The following ZFHX3 variants were observed in gnomAD, a reference collection of about 807,000 sequenced individuals.
ZFHX3 encodes zinc finger homeobox protein 3.
ZFHX3 carries 42 observed loss-of-function variants against 279.1 expected under a neutral mutation model. The observed-to-expected ratio is 0.15, with a 90% CI of 0.12 to 0.19. The LOEUF (loss-of-function observed/expected upper bound fraction) is 0.19, where lower values mean the gene tolerates loss of function less well. ZFHX3 is among the 10% of genes least tolerant of loss of function. The probability of loss-of-function intolerance (pLI) is 1.00; values close to 1 mark genes in which losing one functional copy is unlikely to be tolerated. For synonymous variants in ZFHX3, 2,293 were observed against 1,957.8 expected (o/e 1.17, Z -4.52); for missense variants, 4,981 against 4,754.0 (o/e 1.05, Z -1.40).
rs188625950 is a variant in ZFHX3, at chr16:72,947,985, G to A, written c.3216+2484C>T. Among the ~76,000 whole-genome samples the A allele has an allele frequency of 1.3e-4, 20 of 152,290 alleles. No homozygotes were observed. The East Asian group carries it at 2.1e-3, about 16-fold the overall frequency. ...CACCTCCAATCCCCACCCCAAATCC[G>A]TGGAATGACGAAACCTTGAGAGGGA... On this transcript the variant is annotated intron_variant, in intron 3 of 9. Transcript: ENST00000268489.
At chr16:73,249,708 A>C (rs989149894) in intron 5 of ZFHX3, among the ~76,000 whole-genome samples, 2 of 152,128 alleles carry the variant, frequency 1.3e-5, no homozygotes, top group East Asian at 3.9e-4. Context: ...TAGGTTTTAA[A>C]ATTTCATTAG....
intron 2 of ZFHX3, among the ~76,000 whole-genome samples, chr16:73,497,064 A>G (rs2019154370): frequency 6.6e-6 from 1 of 152,078 alleles, no homozygotes; most frequent in Non-Finnish European, 1.5e-5. Context: ...CCCCCGCCAC[A>G]CCACACCATG....
intron 4 of ZFHX3, among the ~76,000 whole-genome samples, chr16:73,303,252 T>G (rs1437925452): frequency 6.6e-6 from 1 of 152,106 alleles, no homozygotes; most frequent in East Asian, 1.9e-4. Flanking sequence ...GGTCTTGAAC[T>G]CCTAGCTCCA....
intron 1 of ZFHX3, among the ~76,000 whole-genome samples, chr16:73,889,355 T>C (rs1045361324): frequency 2.6e-5 from 4 of 152,154 alleles, no homozygotes; most frequent in African/African-American, 9.7e-5. Flanking sequence ...TGCTTTTCTA[T>C]TAATAGTATC....
At chr16:72,798,872 C>G (rs948365272) in intron 8 of ZFHX3, among the ~76,000 whole-genome samples, 158 bp from the exon 9 acceptor site, 9 of 152,244 alleles carry the variant, frequency 5.9e-5, no homozygotes, top group Admixed American at 5.2e-4. Context: ...GGAGCGCCTC[C>G]TGCTTTCTTT....
intron 2 of ZFHX3, among the ~76,000 whole-genome samples, chr16:73,654,326 C>A (rs1036729132): frequency 7.2e-5 from 11 of 151,920 alleles, no homozygotes; most frequent in Non-Finnish European, 1.3e-4. Flanking sequence ...AAATGATACT[C>A]AAAAATTTTC....
chr16:73,602,551 C>T (rs1384554969), intron 2 of ZFHX3, among the ~76,000 whole-genome samples: 1 of 152,160 alleles, frequency 6.6e-6, no homozygotes, highest in African/African-American at 2.4e-5. Flanking sequence ...ACTGTGTGCA[C>T]GTATTTAAAT....
Position 72,783,879 on chromosome 16 carries a change from A to C in ZFHX3, c.*3285T>G, listed in dbSNP as rs146479462. 88 of 152,380 alleles carry C rather than the reference A, an allele frequency of 5.8e-4. No individual in the cohort carries two copies. Among genetic ancestry groups the C allele is most frequent in the African/African-American group, 2.0e-3 (82 of 41,584 alleles). 9.4% of individuals were successfully genotyped at this position (152,380 alleles called of 1,614,324 possible). On this transcript the variant is annotated 3_prime_UTR_variant, in exon 10 of 10. Coordinates refer to ENST00000268489, the MANE Select transcript of ZFHX3 (RefSeq NM_006885.4). ...AACAGTTGAGCATTGTAGTGAATTCATGCTTTGTAAATAGTACTGGTCATA... is the reference window on the plus strand; with the variant it reads ...AACAGTTGAGCATTGTAGTGAATTCCTGCTTTGTAAATAGTACTGGTCATA...
At chr16:73,566,277 C>T (rs150798035) in intron 2 of ZFHX3, among the ~76,000 whole-genome samples, 131 of 152,348 alleles carry the variant, frequency 8.6e-4, no homozygotes, top group South Asian at 1.4e-3. Context: ...AGATGATCTC[C>T]TCATAGACCT....
At chr16:73,795,536 C>G (rs552761883) in intron 1 of ZFHX3, among the ~76,000 whole-genome samples, 1 of 152,092 alleles carries the variant, frequency 6.6e-6, no homozygotes, top group Admixed American at 6.5e-5. Flanking sequence ...AATAGAGAAC[C>G]TTTCTATCTC....
At chr16:73,041,359 T>C (rs921427249) in intron 1 of ZFHX3, among the ~76,000 whole-genome samples, 1 of 141,940 alleles carries the variant, frequency 7.0e-6, no homozygotes. Flanking sequence ...GGATTTCCTA[T>C]CTGTTGAAGG....
At position 72,975,414 on chromosome 16, in the gene ZFHX3, C is replaced by A. The variant is rs116364334; in HGVS notation, c.-49-15220G>T. Among the ~76,000 whole-genome samples, 480 of 152,276 alleles carry A rather than the reference C, an allele frequency of 3.2e-3. 1 individual carries two copies. Among genetic ancestry groups the A allele is most frequent in the African/African-American group, 0.011 (437 of 41,560 alleles). On this transcript the variant is annotated intron_variant, in intron 1 of 9. Coordinates refer to ENST00000268489, the MANE Select transcript of ZFHX3 (RefSeq NM_006885.4). ...GCTGATCGTGCCACTGCACTCCAGT[C>A]TGGAAGACAGAGTGAGACTCTGTCT...
chr16:73,802,173 A>T (rs922964235), intron 1 of ZFHX3, among the ~76,000 whole-genome samples: 19 of 150,700 alleles, frequency 1.3e-4, no homozygotes, highest in African/African-American at 4.2e-4. Flanking sequence ...TTTTTTTTTT[A>T]AATAAGTTGA....
chr16:72,847,306 T>G (rs2037505227), intron 4 of ZFHX3, among the ~76,000 whole-genome samples: 1 of 152,162 alleles, frequency 6.6e-6, no homozygotes, highest in South Asian at 2.1e-4. Context: ...CAGCACTACC[T>G]AAGACGTGTC....
intron 1 of ZFHX3, among the ~76,000 whole-genome samples, chr16:73,843,009 T>A (rs328374): frequency 6.6e-6 from 1 of 152,066 alleles, no homozygotes; most frequent in Non-Finnish European, 1.5e-5. Context: ...TAACACATTA[T>A]GTACAAAATA....
At chr16:73,528,947 T>G (rs1597370793) in intron 2 of ZFHX3, among the ~76,000 whole-genome samples, 1 of 152,208 alleles carries the variant, frequency 6.6e-6, no homozygotes, top group East Asian at 1.9e-4. Flanking sequence ...GAGAACAGCC[T>G]GTAACGAATC....
At chr16:73,654,474 A>T (rs569495325) in intron 2 of ZFHX3, among the ~76,000 whole-genome samples, 1 of 152,262 alleles carries the variant, frequency 6.6e-6, no homozygotes, top group East Asian at 1.9e-4. Flanking sequence ...TATGAGGGCA[A>T]CTTTACCTTG....
chr16:73,143,508 TC>T (rs1966852910), intron 6 of ZFHX3, among the ~76,000 whole-genome samples: 1 of 152,196 alleles, frequency 6.6e-6, no homozygotes, highest in Admixed American at 6.5e-5. Flanking sequence ...AATGCTGTTG[TC>T]TTGCAGCAAA....
chr16:72,882,894 ACT>A (rs2038517544), intron 4 of ZFHX3, among the ~76,000 whole-genome samples: 1 of 151,952 alleles, frequency 6.6e-6, no homozygotes, highest in African/African-American at 2.4e-5. Context: ...CAGAACAGAC[ACT>A]GAAGTGCCAG....
Sources: allele counts gnomAD v4.1 joint callset (sites outside exome capture counted in the v4.1 genomes callset), GRCh38; gene constraint gnomAD v4.1.1; transcripts MANE v1.5; gene names NCBI Gene and HGNC (gene_info 2026-07-23, HGNC 2026-07-21).